The following SDK1 variants were observed in gnomAD, a reference collection of about 807,000 sequenced individuals.
SDK1 encodes sidekick cell adhesion molecule 1.
A neutral mutation model predicts 245.5 loss-of-function variants in SDK1; 157 were observed. That is an observed-to-expected ratio of 0.64 (90% CI 0.56 to 0.73). The LOEUF (loss-of-function observed/expected upper bound fraction) is 0.73. Ranked by LOEUF, SDK1 falls within the 30% of genes least tolerant of loss-of-function variation. The pLI, the probability that SDK1 is intolerant of heterozygous loss-of-function variation, is 0.00. For synonymous variants in SDK1, 1,647 were observed against 1,278.5 expected (o/e 1.29, Z -6.15); for missense variants, 3,583 against 3,002.3 (o/e 1.19, Z -4.52).
At chr7:4,203,436 C>T (rs894977500) in intron 35 of SDK1, among the ~76,000 whole-genome samples, 2 of 152,124 alleles carry the variant, frequency 1.3e-5, no homozygotes, top group African/African-American at 2.4e-5. Context: ...TGCACCTTTC[C>T]CTTTAAATGC....
In SDK1 at chr7:4,132,405, C is replaced by A. The variant is rs754787557; in HGVS notation, c.4210C>A (p.Pro1404Thr). ...GATAGTGTGGCAACCTCCGGAGGAGCCCAACGGCATCATCCTGGGTAAGGG... is the reference window on the plus strand; with the variant it reads ...GATAGTGTGGCAACCTCCGGAGGAGACCAACGGCATCATCCTGGGTAAGGG... ...VRIVWQPPEE[P>T]NGIILGYQIA... The change falls in exon 28 of 45, where the codon CCC (proline) becomes ACC (threonine). Residue 1404 changes from proline (P) to threonine (T), a missense_variant. Transcript: ENST00000404826. 1 of 1,611,278 alleles carries A rather than the reference C, an allele frequency of 6.2e-7. No homozygotes were observed.
rs112004732 is a variant in SDK1, at chr7:3,879,187, G to A, written c.847+57604G>A. On this transcript the variant is annotated intron_variant, in intron 5 of 44. Coordinates refer to ENST00000404826, the MANE Select transcript of SDK1 (RefSeq NM_152744.4). ...ACACCACTGAATATTCTTACTATTCGTGAAGCCAAACCAAGCAGTTGTAAG... is the reference window on the plus strand; with the variant it reads ...ACACCACTGAATATTCTTACTATTCATGAAGCCAAACCAAGCAGTTGTAAG... Among the ~76,000 whole-genome samples, 39 of 152,174 alleles carry A rather than the reference G, an allele frequency of 2.6e-4. 1 individual carries two copies. Among genetic ancestry groups the A allele is most frequent in the African/African-American group, 7.7e-4 (32 of 41,502 alleles).
chr7:3,840,862 G>A (rs965189525), intron 5 of SDK1, among the ~76,000 whole-genome samples: 3 of 152,212 alleles, frequency 2.0e-5, no homozygotes, highest in Non-Finnish European at 4.4e-5. Flanking sequence ...CTGGGAGTGG[G>A]GTCCAGGAAT....
At chr7:3,452,343 A>G (rs940937844) in intron 1 of SDK1, among the ~76,000 whole-genome samples, 7 of 152,204 alleles carry the variant, frequency 4.6e-5, no homozygotes, top group African/African-American at 1.7e-4. Flanking sequence ...CTTTGGAAGC[A>G]GGTGATTGAT....
intron 1 of SDK1, among the ~76,000 whole-genome samples, chr7:3,312,096 G>T (rs1394228473): frequency 6.6e-6 from 1 of 152,154 alleles, no homozygotes; most frequent in Non-Finnish European, 1.5e-5. Context: ...CTGGGGTTGT[G>T]ATCATTAGGA....
chr7:3,705,174 C>G (rs1000778396), intron 4 of SDK1, among the ~76,000 whole-genome samples: 1 of 151,766 alleles, frequency 6.6e-6, no homozygotes, highest in Admixed American at 6.6e-5. Flanking sequence ...TCTTAGGGCT[C>G]TGTTTTGTAT....
At chr7:4,229,155 T>C (rs1180328172) in intron 40 of SDK1, among the ~76,000 whole-genome samples, 1 of 152,236 alleles carries the variant, frequency 6.6e-6, no homozygotes, top group Admixed American at 6.5e-5. Context: ...TATTGAGATA[T>C]TTAACAGCAT....
intron 1 of SDK1, among the ~76,000 whole-genome samples, chr7:3,323,501 T>C (rs1469927994): frequency 6.6e-6 from 1 of 152,170 alleles, no homozygotes; most frequent in African/African-American, 2.4e-5. Flanking sequence ...TTGCTGGTCA[T>C]GTTCAGTTCC....
chr7:3,497,063 A>T (rs1387238870), intron 1 of SDK1, among the ~76,000 whole-genome samples: 1 of 152,210 alleles, frequency 6.6e-6, no homozygotes, highest in African/African-American at 2.4e-5. Context: ...AATACGTGAC[A>T]GTTAAAATTG....
chr7:3,951,369 C>A (rs1455693457), intron 6 of SDK1, among the ~76,000 whole-genome samples: 2 of 152,186 alleles, frequency 1.3e-5, no homozygotes, highest in African/African-American at 4.8e-5. Flanking sequence ...GTGTTCTCTG[C>A]CTACTTAGCG....
intron 5 of SDK1, among the ~76,000 whole-genome samples, chr7:3,882,400 C>T (rs958503835): frequency 1.3e-5 from 2 of 152,170 alleles, no homozygotes; most frequent in Non-Finnish European, 2.9e-5. Flanking sequence ...GCCAGGAGAC[C>T]CTGATGCGGG....
chr7:4,168,435 A>G (rs1476428282), intron 32 of SDK1, among the ~76,000 whole-genome samples: 2 of 152,238 alleles, frequency 1.3e-5, no homozygotes, highest in Non-Finnish European at 2.9e-5. Context: ...CTGTGAGTCC[A>G]GGATCAGTAA....
chr7:3,919,251 G>A (rs777031940), intron 5 of SDK1, among the ~76,000 whole-genome samples: 13 of 152,232 alleles, frequency 8.5e-5, no homozygotes, highest in Non-Finnish European at 1.6e-4. Context: ...GTATGTCAGT[G>A]TGCAGTGCAC....
intron 1 of SDK1, among the ~76,000 whole-genome samples, chr7:3,330,018 A>C (rs966932838): frequency 1.3e-5 from 2 of 152,232 alleles, no homozygotes; most frequent in African/African-American, 2.4e-5. Flanking sequence ...GATACCAAGT[A>C]GATGTCTATA....
chr7:3,331,701 A>G (rs563566487), intron 1 of SDK1, among the ~76,000 whole-genome samples: 1 of 151,940 alleles, frequency 6.6e-6, no homozygotes, highest in East Asian at 1.9e-4. Context: ...TTGGTGAAAC[A>G]CCTTTCCTTT....
At chr7:3,807,824 G>A (rs570665960) in intron 4 of SDK1, among the ~76,000 whole-genome samples, 2 of 152,286 alleles carry the variant, frequency 1.3e-5, no homozygotes, top group South Asian at 4.1e-4. Context: ...ACCTCTGGTA[G>A]CCTCTGCTTC....
intron 1 of SDK1, among the ~76,000 whole-genome samples, chr7:3,483,154 TGAG>T (rs1393687682): frequency 6.6e-6 from 1 of 152,234 alleles, no homozygotes; most frequent in Non-Finnish European, 1.5e-5. Context: ...TGAATTTTGA[TGAG>T]GATAGGGGTT....
intron 1 of SDK1, among the ~76,000 whole-genome samples, chr7:3,463,102 A>G (rs1182613919): frequency 2.0e-5 from 3 of 152,028 alleles, no homozygotes; most frequent in Admixed American, 6.6e-5. Context: ...CTTGTTATCT[A>G]ACTCTATCCT....
chr7:3,884,563 A>G (rs370824156), intron 5 of SDK1, among the ~76,000 whole-genome samples: 4 of 152,108 alleles, frequency 2.6e-5, no homozygotes, highest in African/African-American at 7.2e-5. Context: ...GGTTAACTTT[A>G]TTATTATTTA....
Sources: allele counts gnomAD v4.1 joint callset (sites outside exome capture counted in the v4.1 genomes callset), GRCh38; gene constraint gnomAD v4.1.1; transcripts MANE v1.5; gene names NCBI Gene and HGNC (gene_info 2026-07-23, HGNC 2026-07-21).